NEDD4: variants seen among roughly 807,000 people sequenced by gnomAD.
NEDD4 encodes the protein E3 ubiquitin-protein ligase NEDD4.
In NEDD4, 99 loss-of-function variants were observed where a neutral mutation model predicts 144.9. The observed-to-expected ratio is 0.68, with a 90% CI of 0.58 to 0.81. The LOEUF (loss-of-function observed/expected upper bound fraction) is 0.81, where lower values mean the gene tolerates loss of function less well. Among genes scored for constraint, NEDD4 ranks in the 30% least tolerant of loss-of-function variants. NEDD4 has a pLI of 0.00. For synonymous variants in NEDD4, 318 were observed against 350.6 expected (o/e 0.91, Z 1.04); for missense variants, 985 against 1,065.9 (o/e 0.92, Z 1.06).
chr15:55,987,939 T>C (rs1173834335), intron 1 of NEDD4: 2 of 138,330 alleles, frequency 1.4e-5, no homozygotes, highest in African/African-American at 2.7e-5. Flanking sequence ...TGGCTTAGGA[T>C]TGACTTGGCG....
At chr15:55,886,556 G>A (rs767072824) in intron 5 of NEDD4, among the ~76,000 whole-genome samples, 2 of 152,108 alleles carry the variant, frequency 1.3e-5, no homozygotes, top group Non-Finnish European at 2.9e-5. Flanking sequence ...CACGAGGTCA[G>A]AGATCGAGAC....
At chr15:55,964,185 G>A (rs2037471031) in intron 2 of NEDD4, among the ~76,000 whole-genome samples, 1 of 113,934 alleles carries the variant, frequency 8.8e-6, no homozygotes, top group South Asian at 2.8e-4. Flanking sequence ...AAAAAATATT[G>A]TGCCTTCTTC....
chr15:55,839,218 A>G (rs1380203679), intron 21 of NEDD4, among the ~76,000 whole-genome samples: 3 of 151,742 alleles, frequency 2.0e-5, no homozygotes, highest in Admixed American at 2.0e-4. Context: ...TTGTAGAGAC[A>G]GAGTATCACC....
intron 5 of NEDD4, among the ~76,000 whole-genome samples, chr15:55,899,244 A>G (rs544735714): frequency 6.6e-6 from 1 of 152,334 alleles, no homozygotes; most frequent in East Asian, 1.9e-4. Flanking sequence ...GTAGTGGCAG[A>G]ATAAAATGTT....
chr15:55,948,850 C>T (rs1276051595), intron 4 of NEDD4, among the ~76,000 whole-genome samples: 13 of 152,066 alleles, frequency 8.5e-5, no homozygotes, highest in African/African-American at 2.9e-4. Context: ...CCATAAGAAC[C>T]GTAGAAGAAA....
chr15:55,915,700 C>G lies in NEDD4; in HGVS notation c.291+8946G>C, dbSNP rs539741344. 290 of 1,613,962 alleles carry G rather than the reference C, an allele frequency of 1.8e-4. 3 individuals are homozygous for G. The South Asian group carries it at 3.1e-3, about 17-fold the overall frequency. On this transcript the variant is annotated intron_variant, in intron 5 of 28. Transcript: ENST00000435532. ...GCTGCTTTTCGTTGGGTGAAATGCA[C>G]TGAAACACAAGAATATCCTTCAGAT...
chr15:55,905,986 C>T (rs1595825689), intron 5 of NEDD4, among the ~76,000 whole-genome samples: 1 of 152,186 alleles, frequency 6.6e-6, no homozygotes, highest in African/African-American at 2.4e-5. Context: ...TGAACAGACA[C>T]TTCTCAAAAG....
chr15:55,934,736 G>C (rs2036850845), intron 4 of NEDD4: 2 of 150,780 alleles, frequency 1.3e-5, no homozygotes, highest in Non-Finnish European at 2.9e-5. Context: ...AGTTTCTTAG[G>C]TCCTTCCAGA....
At chr15:55,882,194 C>T (rs2035217942) in intron 5 of NEDD4, among the ~76,000 whole-genome samples, 1 of 152,160 alleles carries the variant, frequency 6.6e-6, no homozygotes, top group Non-Finnish European at 1.5e-5. Context: ...ACAAAAAGCA[C>T]CTTCATAAGA....
chr15:55,887,438 A>G (rs1304586738), intron 5 of NEDD4, among the ~76,000 whole-genome samples: 10 of 152,180 alleles, frequency 6.6e-5, no homozygotes, highest in Non-Finnish European at 1.3e-4. Flanking sequence ...TTGAGCCATG[A>G]AGAAATCCAA....
intron 17 of NEDD4, among the ~76,000 whole-genome samples, chr15:55,848,006 A>G (rs2033820161): frequency 6.6e-6 from 1 of 152,062 alleles, no homozygotes. Flanking sequence ...ATGACCCTGG[A>G]GTGGATAGGG....
chr15:55,835,315 TATG>T (rs1595724225), intron 24 of NEDD4, among the ~76,000 whole-genome samples: 1 of 152,332 alleles, frequency 6.6e-6, no homozygotes, highest in East Asian at 1.9e-4. Flanking sequence ...TTATTTGCAG[TATG>T]ATATGATTAA....
rs140874639 is a variant in NEDD4 at position 55,846,570 on chromosome 15, C to T, written c.1608+399G>A. ...GAAGCCGTAGAGAATGAATGACTTT[C>T]GCTGGAAAACAACAAAGTCATAAAA... On this transcript the variant is annotated intron_variant, in intron 18 of 28. Transcript: ENST00000435532. Among the ~76,000 whole-genome samples the T allele has an allele frequency of 2.9e-3, 448 of 152,212 alleles. 3 individuals are homozygous for T. The highest frequency in any genetic ancestry group is 0.01 in the African/African-American group (422 of 41,512).
intron 9 of NEDD4, among the ~76,000 whole-genome samples, chr15:55,862,604 A>G (rs1459116306): frequency 6.6e-5 from 10 of 152,170 alleles, no homozygotes; most frequent in African/African-American, 2.4e-4. Context: ...AGAATTCTCC[A>G]AGACTTCTAA....
Position 55,827,940 on chromosome 15 carries a change from C to G in NEDD4, c.*1957G>C, listed in dbSNP as rs2032768475. ...TGGAACTTCTGACAATCTGGCATGA[C>G]AATGAGGGTGGGCATGATTACTCTC... On this transcript the variant is annotated 3_prime_UTR_variant, in exon 29 of 29. Coordinates refer to ENST00000435532, the MANE Select transcript of NEDD4 (RefSeq NM_006154.4). 6.6e-6 allele frequency: 1 copy of G among 152,108 alleles called. No homozygotes were observed. Among genetic ancestry groups the G allele is most frequent in the South Asian group, 2.1e-4 (1 of 4,824 alleles). The allele number at this position is 152,108 out of a possible 1,614,324, so 9.4% of individuals were successfully genotyped here. A position where few individuals can be genotyped will look rare whatever the true frequency, so the allele number is the denominator to read the frequency against.
chr15:55,855,969 T>C (rs2034177284), intron 12 of NEDD4, among the ~76,000 whole-genome samples, 162 bp downstream of exon 12: 1 of 152,172 alleles, frequency 6.6e-6, no homozygotes. Context: ...GTTCTCCATG[T>C]TTTGTCTTTA....
At chr15:55,986,399 C>G (rs978116138) in intron 1 of NEDD4, among the ~76,000 whole-genome samples, 1 of 152,140 alleles carries the variant, frequency 6.6e-6, no homozygotes, top group Non-Finnish European at 1.5e-5. Flanking sequence ...ATTAAGGTCA[C>G]TGACAGTGTT....
intron 13 of NEDD4, among the ~76,000 whole-genome samples, chr15:55,851,871 C>T (rs2033995779): frequency 6.6e-6 from 1 of 152,070 alleles, no homozygotes; most frequent in South Asian, 2.1e-4. Flanking sequence ...TACCCAAAGA[C>T]GAGATCATTT....
chr15:55,924,751 T>C, intron 4 of NEDD4, 52 bp from the exon 5 acceptor site: 1 of 1,519,426 alleles, frequency 6.6e-7, no homozygotes, highest in Non-Finnish European at 9.0e-7. Flanking sequence ...AACCCACAGA[T>C]ACTCAGAAAT....
Sources: allele counts gnomAD v4.1 joint callset (sites outside exome capture counted in the v4.1 genomes callset), GRCh38; gene constraint gnomAD v4.1.1; transcripts MANE v1.5; gene names NCBI Gene and HGNC (gene_info 2026-07-23, HGNC 2026-07-21).